Variants in USP34 observed in about 807,000 individuals in gnomAD.
The protein encoded by USP34 is ubiquitin specific peptidase 34.
Under a neutral mutation model 460.3 loss-of-function variants are expected in USP34, and 70 were observed. The observed-to-expected ratio is 0.15, with a 90% CI of 0.13 to 0.19. The LOEUF (loss-of-function observed/expected upper bound fraction) is 0.19. Among genes scored for constraint, USP34 ranks in the 10% least tolerant of loss-of-function variants. USP34 has a pLI of 1.00. For missense variants in USP34, 3,985 were observed against 4,236.2 expected (o/e 0.94, Z 1.65); for synonymous variants, 1,647 against 1,405.3 (o/e 1.17, Z -3.85).
At chr2:61,381,047 G>C (rs141537256) in intron 6 of USP34, among the ~76,000 whole-genome samples, 3,743 of 151,942 alleles carry the variant, frequency 0.025, 161 homozygotes, top group African/African-American at 0.085. Context: ...CTAATCTCAA[G>C]TACCCAGGGA....
In USP34 at chr2:61,344,372, T is replaced by C. The variant is rs116506242; in HGVS notation, c.2286-343A>G. On this transcript the variant is annotated intron_variant, in intron 15 of 79. Coordinates refer to ENST00000398571, the MANE Select transcript of USP34 (RefSeq NM_014709.4). ...TGAAACCATAAAAAGTGTGGTTTTT[T>C]ACAACTGTAGAATCAAACCAAAAAA... 8.0e-3 allele frequency among the ~76,000 whole-genome samples: 1,225 copies of C among 152,298 alleles called. 16 individuals are homozygous for C. The highest frequency in any genetic ancestry group is 0.027 in the African/African-American group (1,116 of 41,562).
chr2:61,461,547 G>A (rs1381391528), intron 1 of USP34, among the ~76,000 whole-genome samples: 2 of 152,030 alleles, frequency 1.3e-5, no homozygotes, highest in African/African-American at 2.4e-5. Context: ...AAGAGATGAA[G>A]TCTTGCTATG....
In USP34 at chr2:61,256,932, G is replaced by T; in HGVS notation, c.6067C>A (p.Gln2023Lys). Residue 2023 changes from glutamine to lysine, a missense_variant, in exon 47 of 80, where the codon CAA becomes AAA. Gln to Lys is a moderately conservative substitution (Grantham distance 53). This residue lies in a region of USP34 where 145 missense variants were observed against 291.6 expected (regional missense o/e 0.50). Coordinates refer to ENST00000398571, the MANE Select transcript of USP34 (RefSeq NM_014709.4). ...ACAGTATAAAACTCTTCAGCAGTTT[G>T]ACTAACATGTTCACAATCCTAATCA... ...VVSLDCEHVS[Q>K]TAEEFYTVRC... is the part of the protein sequence containing the mutation. 1 of 1,561,630 alleles carries T rather than the reference G, an allele frequency of 6.4e-7. No homozygotes were observed. The highest frequency in any genetic ancestry group is 1.3e-5 in the South Asian group (1 of 78,676).
intron 1 of USP34, among the ~76,000 whole-genome samples, chr2:61,451,754 A>G (rs1005046805): frequency 7.9e-5 from 12 of 152,186 alleles, no homozygotes; most frequent in African/African-American, 1.7e-4. Context: ...AGAGAAATTC[A>G]AATTTGCTAA....
rs1687282484 is a variant in USP34 at position 61,211,939 on chromosome 2, C to T, written c.8683-10G>A. The T allele has an allele frequency of 6.3e-7, 1 of 1,595,504 alleles. No individual in the cohort carries two copies. The highest frequency in any genetic ancestry group is 8.5e-7 in the Non-Finnish European group (1 of 1,174,968). On this transcript the variant is annotated splice_polypyrimidine_tract_variant and intron_variant, in intron 68 of 79. Coordinates refer to ENST00000398571, the MANE Select transcript of USP34 (RefSeq NM_014709.4). ...ACAGTTCTTCTACTGCCTAAAAAAG[C>T]CAAATAAGCCATATGATCTTTTAAC...
Position 61,288,771 on chromosome 2 carries a change from A to G in USP34, c.4655T>C (p.Ile1552Thr). The G allele has an allele frequency of 6.2e-7, 1 of 1,614,082 alleles. No homozygotes were observed. Among genetic ancestry groups the G allele is most frequent in the African/African-American group, 1.3e-5 (1 of 75,060 alleles). ...GGTTCTTTTCCTATGGCTTTCCGCTATACCAGACCAGGCAAAGACATCATG... is the reference window on the plus strand; with the variant it reads ...GGTTCTTTTCCTATGGCTTTCCGCTGTACCAGACCAGGCAAAGACATCATG... ...AYHDVFAWSG[I>T]AESHRKRTWP... Residue 1552 changes from isoleucine to threonine, a missense_variant, in exon 34 of 80, where the codon ATA becomes ACA. By Grantham distance (89) the Ile-to-Thr change is moderately conservative. Around this residue, in one of 14 missense-constraint regions of USP34, gnomAD observed 1,114 missense variants for 1,122.5 expected, o/e 0.99. Transcript: ENST00000398571.
intron 53 of USP34, among the ~76,000 whole-genome samples, chr2:61,238,369 G>T (rs17007356): frequency 0.14 from 21,907 of 152,062 alleles, 2,120 homozygotes; most frequent in South Asian, 0.35. Context: ...TTCTTCACAT[G>T]ATTACCTCTT....
At chr2:61,315,191 C>A (rs940285951) in intron 23 of USP34, among the ~76,000 whole-genome samples, 1 of 152,140 alleles carries the variant, frequency 6.6e-6, no homozygotes, top group Non-Finnish European at 1.5e-5. Context: ...ACATGTTTAA[C>A]TCACAAGTTG....
intron 2 of USP34, chr2:61,417,240 A>G: frequency 7.3e-7 from 1 of 1,378,228 alleles, no homozygotes; most frequent in Admixed American, 1.7e-5. Flanking sequence ...CATACATCTG[A>G]AAGGCCTGTC....
At chr2:61,194,579 G>C (rs1163880093) in intron 75 of USP34, among the ~76,000 whole-genome samples, 2 of 152,212 alleles carry the variant, frequency 1.3e-5, no homozygotes, top group African/African-American at 2.4e-5. Flanking sequence ...ATCAGGGGCA[G>C]CCTTGAACCG....
chr2:61,320,223 A>C (rs1369770437), intron 21 of USP34, among the ~76,000 whole-genome samples: 1 of 152,242 alleles, frequency 6.6e-6, no homozygotes, highest in Non-Finnish European at 1.5e-5. Flanking sequence ...ATTCCAGTTC[A>C]GGGTTGTGGG....
chr2:61,348,084 T>C lies in USP34; in HGVS notation c.2071A>G (p.Met691Val). ...SLPSVDNRMR[M>V]LDACSHSEDP... Reference sequence around the variant, plus strand: ...TCAGAGTGTGAACAAGCATCCAGCATTCGCATTCGATTATCTACTGATGGC... The same window carrying C: ...TCAGAGTGTGAACAAGCATCCAGCACTCGCATTCGATTATCTACTGATGGC... The change falls in exon 15 of 80, where the codon ATG becomes GTG. Residue 691 changes from methionine to valine, a missense_variant. Met to Val is a conservative substitution (Grantham distance 21). Transcript: ENST00000398571. The C allele has an allele frequency of 1.9e-6, 3 of 1,614,252 alleles. No homozygotes were observed. Among genetic ancestry groups the C allele is most frequent in the South Asian group, 2.2e-5 (2 of 91,082 alleles).
At position 61,371,592 on chromosome 2, in the gene USP34, AAGTT is replaced by A. The variant is rs145360287; in HGVS notation, c.1077-1017_1077-1014del. ...TTTTAAGTTTATAAAAGTAAATAAAAAGTTAGAGTAAGCTAAGGTTAATTTAATA... is the reference window on the plus strand; with the variant it reads ...TTTTAAGTTTATAAAAGTAAATAAAAAGAGTAAGCTAAGGTTAATTTAATA... On this transcript the variant is annotated intron_variant, in intron 8 of 79. Coordinates refer to ENST00000398571, the MANE Select transcript of USP34 (RefSeq NM_014709.4). Among the ~76,000 whole-genome samples, 858 of 152,256 alleles carry A rather than the reference AAGTT, an allele frequency of 5.6e-3. 9 individuals are homozygous for A. The highest frequency in any genetic ancestry group is 0.02 in the African/African-American group (816 of 41,570).
At chr2:61,351,633 T>G (rs980674794) in intron 10 of USP34, among the ~76,000 whole-genome samples, 6 of 152,150 alleles carry the variant, frequency 3.9e-5, no homozygotes, top group Admixed American at 3.3e-4. Context: ...AAAATACTGA[T>G]TTTTATATTT....
intron 62 of USP34, chr2:61,226,865 G>GA: frequency 1.7e-6 from 1 of 598,018 alleles, no homozygotes. Flanking sequence ...AAGTTTGGTA[G>GA]AAAAAACTGA....
intron 1 of USP34, among the ~76,000 whole-genome samples, chr2:61,451,164 T>C (rs1238794241): frequency 8.0e-6 from 1 of 125,706 alleles, no homozygotes; most frequent in Admixed American, 1.0e-4. Flanking sequence ...GAAGTTGCAG[T>C]GAGCCGAGAT....
chr2:61,449,583 C>T (rs1695211763), intron 1 of USP34, among the ~76,000 whole-genome samples: 1 of 151,164 alleles, frequency 6.6e-6, no homozygotes, highest in East Asian at 1.9e-4. Context: ...AAAGCCACAG[C>T]AATCAAGACA....
At chr2:61,402,657 T>C (rs761830653) in intron 3 of USP34, among the ~76,000 whole-genome samples, 13 of 152,176 alleles carry the variant, frequency 8.5e-5, no homozygotes, top group Non-Finnish European at 1.8e-4. Context: ...CTCCTAAGAA[T>C]TTTGGCTAAG....
chr2:61,279,504 G>T (rs549714634), intron 39 of USP34, among the ~76,000 whole-genome samples: 2 of 151,974 alleles, frequency 1.3e-5, no homozygotes, highest in African/African-American at 2.4e-5. Flanking sequence ...TCACTCTGTC[G>T]CCAGGCTAGA....
Sources: allele counts gnomAD v4.1 joint callset (sites outside exome capture counted in the v4.1 genomes callset), GRCh38; gene constraint gnomAD v4.1.1; regional missense constraint gnomAD v4.1.1; transcripts MANE v1.5; gene names NCBI Gene and HGNC (gene_info 2026-07-23, HGNC 2026-07-21).